The following GRID2IP variants were observed in gnomAD, a reference collection of about 807,000 sequenced individuals.
The protein encoded by GRID2IP is Grid2 interacting protein, also known as delphilin.
Under a neutral mutation model 114.3 loss-of-function variants are expected in GRID2IP, and 78 were observed. The ratio of observed to expected loss-of-function variants is 0.68; its 90% CI spans 0.57 to 0.82. The LOEUF (loss-of-function observed/expected upper bound fraction) is 0.82, where lower values mean the gene tolerates loss of function less well. Among genes scored for constraint, GRID2IP ranks in the 40% least tolerant of loss-of-function variants. The pLI is 0.00. For synonymous variants in GRID2IP, 809 were observed against 724.0 expected (o/e 1.12, Z -1.89); for missense variants, 1,727 against 1,678.5 (o/e 1.03, Z -0.51).
intron 8 of GRID2IP, among the ~76,000 whole-genome samples, chr7:6,511,712 A>G (rs1779166487): frequency 6.6e-6 from 1 of 152,018 alleles, no homozygotes; most frequent in Non-Finnish European, 1.5e-5. Flanking sequence ...TATGTAAGGC[A>G]TGTGTGGTCC....
At chr7:6,535,175 G>A (rs965370497) in intron 2 of GRID2IP, among the ~76,000 whole-genome samples, 4 of 144,040 alleles carry the variant, frequency 2.8e-5, no homozygotes, top group African/African-American at 7.8e-5. Context: ...GTGAGCCACC[G>A]CGCCGGGCCT....
chr7:6,538,216 A>G (rs1203176217), intron 2 of GRID2IP, among the ~76,000 whole-genome samples: 1 of 151,934 alleles, frequency 6.6e-6, no homozygotes, highest in Admixed American at 6.6e-5. Context: ...AAATACAAAA[A>G]TTAGCTGGGC....
At chr7:6,499,248 C>G (rs561863185) in intron 20 of GRID2IP, among the ~76,000 whole-genome samples, 1 of 152,224 alleles carries the variant, frequency 6.6e-6, no homozygotes, top group East Asian at 1.9e-4. Context: ...AGGGTCACAT[C>G]AATTAATGAC....
At chr7:6,544,961 C>T (rs553750166) in intron 1 of GRID2IP, among the ~76,000 whole-genome samples, 3 of 152,202 alleles carry the variant, frequency 2.0e-5, no homozygotes, top group South Asian at 4.2e-4. Context: ...ATGGCGGGCG[C>T]CTGTAGTCCC....
chr7:6,520,802 G>A lies in GRID2IP; in HGVS notation c.1085-41C>T, dbSNP rs765337036. The A allele has an allele frequency of 2.0e-6, 3 of 1,526,626 alleles. No individual in the cohort carries two copies. In the Admixed American group the frequency reaches 6.0e-5, roughly 30 times the overall value. The allele number at this position is 1,526,626 out of a possible 1,614,324, so 94.6% of individuals were successfully genotyped here. ...GCGGGAGAGGCATGAGTGACTCAGA[G>A]TCCCCAGGCCAGGTGTAGTCTCCCT... On this transcript the variant is annotated intron_variant, in intron 6 of 21. Coordinates refer to ENST00000457091, the MANE Select transcript of GRID2IP (RefSeq NM_001145118.2). The surrounding 1 kb of genome is among the most constrained non-coding windows in gnomAD (Gnocchi z 4.6).
chr7:6,550,014 G>T (rs561648009), intron 1 of GRID2IP, among the ~76,000 whole-genome samples: 1 of 149,322 alleles, frequency 6.7e-6, no homozygotes, highest in Admixed American at 6.8e-5. Context: ...TTTTAGAGAT[G>T]CGGTCTCACT....
chr7:6,536,255 G>A lies in GRID2IP; in HGVS notation c.584+3463C>T, dbSNP rs768302117. 6.6e-5 allele frequency among the ~76,000 whole-genome samples: 10 copies of A among 152,166 alleles called. No homozygotes were observed. The highest frequency in any genetic ancestry group is 1.0e-4 in the Non-Finnish European group (7 of 68,010). On this transcript the variant is annotated intron_variant, in intron 2 of 21. Transcript: ENST00000457091. The surrounding 1 kb of genome is among the most constrained non-coding windows in gnomAD (Gnocchi z 5.3). ...TTCTCCTTGCGGAGCCCAGCTGGGC[G>A]CCGCCCCTTCCTCCAGCAGCCTCCC...
rs1779315025 is a variant in GRID2IP at position 6,516,907 on chromosome 7, C to G, written c.1269-2378G>C. On this transcript the variant is annotated intron_variant, in intron 7 of 21. Coordinates refer to ENST00000457091, the MANE Select transcript of GRID2IP (RefSeq NM_001145118.2). This position sits in a 1 kb window ranked among gnomAD's most constrained non-coding sequence, Gnocchi z 4.3. ...TGACCTTACCTATCATTGGAGATGACTCTCACTCCATACCCTGCCCCTTTG... is the reference window on the plus strand; with the variant it reads ...TGACCTTACCTATCATTGGAGATGAGTCTCACTCCATACCCTGCCCCTTTG... 6.6e-6 allele frequency among the ~76,000 whole-genome samples: 1 copy of G among 152,116 alleles called. No individual in the cohort carries two copies. Among genetic ancestry groups the G allele is most frequent in the Non-Finnish European group, 1.5e-5 (1 of 68,024 alleles).
intron 4 of GRID2IP, among the ~76,000 whole-genome samples, chr7:6,522,908 G>A (rs1292550056): frequency 1.3e-5 from 2 of 151,666 alleles, no homozygotes; most frequent in African/African-American, 2.4e-5. Flanking sequence ...CAAGTGATCC[G>A]CCCGCCTTGG....
intron 7 of GRID2IP, among the ~76,000 whole-genome samples, chr7:6,517,561 A>G (rs1583342774): frequency 6.6e-6 from 1 of 152,136 alleles, no homozygotes; most frequent in Non-Finnish European, 1.5e-5. Context: ...GAAGTAACAA[A>G]TGGGAGAGAA....
Position 6,498,210 on chromosome 7 carries a change from G to A in GRID2IP, c.3418C>T (p.Gln1140Ter). The A allele has an allele frequency of 6.5e-7, 1 of 1,546,816 alleles. No homozygotes were observed. Among genetic ancestry groups the A allele is most frequent in the South Asian group, 1.2e-5 (1 of 83,504 alleles). The change falls in exon 21 of 22, where the codon CAG becomes TAG. Residue 1140 changes from glutamine to a stop codon, truncating the protein, a stop_gained. Transcript: ENST00000457091. LOFTEE classifies it high-confidence loss of function. ...MVMSSFLETAQPALRALDGLQ... is the reference protein window; with the variant it reads ...MVMSSFLETA ...CCGTCGAGCGCCCGAAGTGCTGGCTGGGCCGTCTCCAGGAAGGACTGACAG... is the reference window on the plus strand; with the variant it reads ...CCGTCGAGCGCCCGAAGTGCTGGCTAGGCCGTCTCCAGGAAGGACTGACAG...
intron 2 of GRID2IP, among the ~76,000 whole-genome samples, chr7:6,535,249 C>T (rs62441276): frequency 0.083 from 12,699 of 152,146 alleles, 660 homozygotes; most frequent in South Asian, 0.16. Context: ...AGGCTGGTCT[C>T]GAACTCCTGA....
At chr7:6,510,775 C>T (rs1778337256) in intron 9 of GRID2IP, 69 bp from the exon 10 acceptor site, 1 of 1,480,206 alleles carries the variant, frequency 6.8e-7, no homozygotes, top group Non-Finnish European at 9.2e-7. Context: ...AACCAACATG[C>T]CCCGCAGACC....
chr7:6,502,734 G>C lies in GRID2IP; in HGVS notation c.3150+52C>G, dbSNP rs965634444. On this transcript the variant is annotated intron_variant, in intron 18 of 21. Coordinates refer to ENST00000457091, the MANE Select transcript of GRID2IP (RefSeq NM_001145118.2). ...CACAACTGAGCTAGGCCTGGCGTTA[G>C]CGCCTTGCTGGTAGAGCAAACCAGT... 4.4e-6 allele frequency: 6 copies of C among 1,349,440 alleles called. No individual in the cohort carries two copies. In the African/African-American group the frequency reaches 7.2e-5, roughly 16 times the overall value. The allele number at this position is 1,349,440 out of a possible 1,614,324, so 83.6% of individuals were successfully genotyped here.
intron 8 of GRID2IP, among the ~76,000 whole-genome samples, chr7:6,513,870 C>T (rs1170690443): frequency 6.7e-6 from 1 of 150,216 alleles, no homozygotes; most frequent in Non-Finnish European, 1.5e-5. Context: ...ATCACTTGAG[C>T]CCAGGAGGTT....
intron 1 of GRID2IP, among the ~76,000 whole-genome samples, chr7:6,546,892 G>A (rs977324358): frequency 6.6e-6 from 1 of 152,076 alleles, no homozygotes; most frequent in South Asian, 2.1e-4. Flanking sequence ...TAGACCTTTG[G>A]CTCCATGGCA....
intron 2 of GRID2IP, among the ~76,000 whole-genome samples, chr7:6,527,018 C>G (rs372823099): frequency 1.3e-5 from 2 of 152,110 alleles, no homozygotes; most frequent in South Asian, 2.1e-4. Flanking sequence ...CCGTTCGGAC[C>G]GTCCTCCATG....
intron 21 of GRID2IP, 91 bp from the exon 22 acceptor site, chr7:6,497,936 A>G (rs1583329280): frequency 5.5e-6 from 5 of 912,848 alleles, no homozygotes; most frequent in Non-Finnish European, 7.8e-6. Flanking sequence ...ACAGCCCATC[A>G]GGGGGTTAGG....
At chr7:6,511,460 C>T (rs773841269) in intron 8 of GRID2IP, among the ~76,000 whole-genome samples, 3 of 152,024 alleles carry the variant, frequency 2.0e-5, no homozygotes, top group Non-Finnish European at 2.9e-5. Flanking sequence ...GCAACCTCCA[C>T]CTCCCAGGTT....
Sources: gnomAD v4.1 joint callset for allele counts (sites outside exome capture counted in the v4.1 genomes callset) on GRCh38, gnomAD v4.1.1 for gene constraint, Gnocchi (gnomAD v3.1) non-coding constraint, MANE v1.5 for transcripts, NCBI Gene and HGNC (gene_info 2026-07-23, HGNC 2026-07-21) for gene names.